The following FHIP1A variants were observed in gnomAD, a reference collection of about 807,000 sequenced individuals.
FHIP1A encodes FHF complex subunit HOOK interacting protein 1A.
Under a neutral mutation model 88.6 loss-of-function variants are expected in FHIP1A, and 61 were observed. The observed-to-expected ratio is 0.69, with a 90% CI of 0.56 to 0.85. The LOEUF is 0.85. Ranked by LOEUF, FHIP1A falls within the 40% of genes least tolerant of loss-of-function variation. The pLI is 0.00. For synonymous variants in FHIP1A, 478 were observed against 496.0 expected, an observed-to-expected ratio of 0.96 and a Z score of 0.48; for missense variants, 1,154 against 1,273.5, an observed-to-expected ratio of 0.91 and a Z score of 1.43.
chr4:151,625,505 A>G (rs1735918860), intron 7 of FHIP1A, among the ~76,000 whole-genome samples: 1 of 152,240 alleles, frequency 6.6e-6, no homozygotes, highest in African/African-American at 2.4e-5. Flanking sequence ...ATTTAGATGC[A>G]AATGGGATCG....
intron 8 of FHIP1A, 94 bp from the exon 9 acceptor site, chr4:151,638,583 A>T: frequency 2.9e-6 from 2 of 680,360 alleles, no homozygotes; most frequent in Non-Finnish European, 2.4e-6. Context: ...AAAAAAGGCC[A>T]TTATATTTTG....
chr4:151,527,486 T>C (rs2126706673), intron 3 of FHIP1A, among the ~76,000 whole-genome samples: 1 of 152,132 alleles, frequency 6.6e-6, no homozygotes, highest in East Asian at 1.9e-4. Context: ...ACCGTCCAGC[T>C]TCGGCTCGGC....
intron 3 of FHIP1A, among the ~76,000 whole-genome samples, chr4:151,528,871 A>G (rs184477073): frequency 1.5e-3 from 233 of 152,288 alleles, no homozygotes; most frequent in African/African-American, 5.4e-3. Context: ...TGGCAAAAGT[A>G]TGAGAGCTTC....
In FHIP1A at chr4:151,669,783, T is replaced by C. The variant is rs1737794600; in HGVS notation, c.*7029T>C. On this transcript the variant is annotated 3_prime_UTR_variant, in exon 14 of 14. Transcript: ENST00000435205. ...TCACTAATTTTTTTAAACGACTTTT[T>C]TTAAAAAGCCACCTCCTCATGCCTG... The C allele has an allele frequency of 6.6e-6, 1 of 152,182 alleles. No individual in the cohort carries two copies. Among genetic ancestry groups the C allele is most frequent in the Non-Finnish European group, 1.5e-5 (1 of 68,022 alleles). 9.4% of individuals were successfully genotyped at this position (152,182 alleles called of 1,614,324 possible).
intron 5 of FHIP1A, among the ~76,000 whole-genome samples, chr4:151,578,594 C>G (rs1243904311): frequency 6.6e-6 from 1 of 152,108 alleles, no homozygotes; most frequent in African/African-American, 2.4e-5. Context: ...ACGCTGACAA[C>G]AACAAATGCT....
intron 3 of FHIP1A, among the ~76,000 whole-genome samples, chr4:151,499,932 A>G (rs1206934984): frequency 6.6e-6 from 1 of 152,194 alleles, no homozygotes; most frequent in Non-Finnish European, 1.5e-5. Context: ...TCAAGATAAG[A>G]TTTGGGTGGT....
chr4:151,604,865 A>G (rs1187445903), intron 7 of FHIP1A, among the ~76,000 whole-genome samples: 2 of 151,826 alleles, frequency 1.3e-5, no homozygotes, highest in African/African-American at 4.8e-5. Context: ...AAAAAATACT[A>G]ATAATAATAA....
In FHIP1A at chr4:151,664,941, T is replaced by A. The variant is rs1391712643; in HGVS notation, c.*2187T>A. On this transcript the variant is annotated 3_prime_UTR_variant, in exon 14 of 14. Coordinates refer to ENST00000435205, the MANE Select transcript of FHIP1A (RefSeq NM_001109977.3). ...GGGAAAAGATTGATTTTGTGCCTCT[T>A]ACTGTTTTTTTCAATAGGTACTGAA... Among the ~76,000 whole-genome samples, 1 of 152,224 alleles carries A rather than the reference T, an allele frequency of 6.6e-6. No individual in the cohort carries two copies. The highest frequency in any genetic ancestry group is 1.5e-5 in the Non-Finnish European group (1 of 68,040).
intron 3 of FHIP1A, among the ~76,000 whole-genome samples, chr4:151,558,531 TCAAACAAAAC>T (rs1158525713): frequency 7.8e-6 from 1 of 128,472 alleles, no homozygotes; most frequent in African/African-American, 2.9e-5. Flanking sequence ...ACATCCTGTC[TCAAACAAAAC>T]AAAACAAAAC....
chr4:151,636,021 C>T (rs544998654), intron 8 of FHIP1A, among the ~76,000 whole-genome samples: 7 of 151,980 alleles, frequency 4.6e-5, no homozygotes, highest in South Asian at 2.1e-4. Context: ...AAAGACACCA[C>T]GGGAAAACTC....
At chr4:151,457,715 A>C (rs1283469251) in intron 2 of FHIP1A, among the ~76,000 whole-genome samples, 2 of 151,784 alleles carry the variant, frequency 1.3e-5, no homozygotes, top group Non-Finnish European at 2.9e-5. Context: ...CTTTGATTTA[A>C]CTCCCCTTCC....
At chr4:151,487,334 T>C (rs570991354) in intron 3 of FHIP1A, among the ~76,000 whole-genome samples, 1 of 152,212 alleles carries the variant, frequency 6.6e-6, no homozygotes, top group Non-Finnish European at 1.5e-5. Flanking sequence ...TTTTTTTCTC[T>C]GTTCATCCCT....
At chr4:151,420,934 G>A (rs752042603) in intron 1 of FHIP1A, among the ~76,000 whole-genome samples, 3 of 152,214 alleles carry the variant, frequency 2.0e-5, no homozygotes, top group Non-Finnish European at 4.4e-5. Flanking sequence ...CTTGCCAGTT[G>A]TTTGAGGTTG....
chr4:151,585,746 G>A (rs1300418329), intron 5 of FHIP1A, among the ~76,000 whole-genome samples: 1 of 152,190 alleles, frequency 6.6e-6, no homozygotes, highest in African/African-American at 2.4e-5. Context: ...TAAGTTGACA[G>A]TTTTGAGTTC....
At position 151,649,617 on chromosome 4, in the gene FHIP1A, G is replaced by T; in HGVS notation, c.1576G>T (p.Asp526Tyr). ...RDCRVWSALY[D>Y]GDSPDPEMFL... ...CTGCCGTGTCTGGTCCGCCCTGTAT[G>T]ATGGCGACTCCCCCGACCCTGAGAT... The change falls in exon 11 of 14, where the codon GAT becomes TAT. Residue 526 changes from aspartate to tyrosine, a missense_variant. Coordinates refer to ENST00000435205, the MANE Select transcript of FHIP1A (RefSeq NM_001109977.3). 6.4e-7 allele frequency: 1 copy of T among 1,551,714 alleles called. No individual in the cohort carries two copies. The highest frequency in any genetic ancestry group is 8.7e-7 in the Non-Finnish European group (1 of 1,146,986).
At chr4:151,546,026 G>A (rs1732488984) in intron 3 of FHIP1A, among the ~76,000 whole-genome samples, 1 of 152,190 alleles carries the variant, frequency 6.6e-6, no homozygotes, top group African/African-American at 2.4e-5. Flanking sequence ...TGTTCCCAGA[G>A]GAGATCAGTA....
intron 2 of FHIP1A, among the ~76,000 whole-genome samples, chr4:151,470,080 A>G (rs1397623650): frequency 1.3e-5 from 2 of 152,192 alleles, no homozygotes; most frequent in Admixed American, 1.3e-4. Flanking sequence ...TGATTTTTTC[A>G]AGTGACAAAT....
At chr4:151,542,476 TC>T in intron 3 of FHIP1A, among the ~76,000 whole-genome samples, 1 of 152,188 alleles carries the variant, frequency 6.6e-6, no homozygotes, top group East Asian at 1.9e-4. Context: ...GCTTAGTCCC[TC>T]ATCACTGTAC....
At chr4:151,565,498 A>T (rs1223521239) in intron 3 of FHIP1A, among the ~76,000 whole-genome samples, 1 of 152,138 alleles carries the variant, frequency 6.6e-6, no homozygotes, top group African/African-American at 2.4e-5. Flanking sequence ...ATTATTTTTC[A>T]GAAAAGCTAG....
Sources: gnomAD v4.1 joint callset for allele counts (sites outside exome capture counted in the v4.1 genomes callset) on GRCh38, gnomAD v4.1.1 for gene constraint, MANE v1.5 for transcripts, NCBI Gene and HGNC (gene_info 2026-07-23, HGNC 2026-07-21) for gene names.